SSX2IP: variants seen among roughly 807,000 people sequenced by gnomAD.
SSX2IP encodes the protein SSX family member 2 interacting protein.
In SSX2IP, 55 loss-of-function variants were observed where a neutral mutation model predicts 84.9. The observed-to-expected ratio is 0.65, with a 90% CI of 0.52 to 0.81. SSX2IP has a LOEUF of 0.81. Ranked by LOEUF, SSX2IP falls within the 30% of genes least tolerant of loss-of-function variation. The probability of loss-of-function intolerance (pLI) is 0.00; values close to 1 mark genes in which losing one functional copy is unlikely to be tolerated. For synonymous variants in SSX2IP, 239 were observed against 234.7 expected (o/e 1.02, Z -0.17); for missense variants, 664 against 705.2 (o/e 0.94, Z 0.66).
rs201868060 is a variant in SSX2IP at position 84,672,410 on chromosome 1, T to TA, written c.-89-1103dup. On this transcript the variant is annotated intron_variant, in intron 1 of 13. Transcript: ENST00000342203. The stretch of plus-strand genomic sequence containing the variant: ...CAATTTTAAAATGCTAGTAGCTAAT[T>TA]AAAAAAAAAAAAAACTCTATGTATT... Among the ~76,000 whole-genome samples, 696 of 140,830 alleles carry TA rather than the reference T, an allele frequency of 4.9e-3. 3 individuals carry two copies. Among genetic ancestry groups the TA allele is most frequent in the East Asian group, 0.01 (49 of 4,898 alleles). 92.4% of individuals were successfully genotyped at this position (140,830 alleles called of 152,430 possible).
chr1:84,659,518 G>T (rs762128022), intron 8 of SSX2IP, among the ~76,000 whole-genome samples: 1 of 152,152 alleles, frequency 6.6e-6, no homozygotes, highest in Admixed American at 6.6e-5. Flanking sequence ...ATTATTGGCC[G>T]GGCGCGGTGG....
At chr1:84,661,850 T>C (rs1384420052) in intron 8 of SSX2IP, among the ~76,000 whole-genome samples, 1 of 152,202 alleles carries the variant, frequency 6.6e-6, no homozygotes, top group African/African-American at 2.4e-5. Flanking sequence ...AGTTTCCTTA[T>C]CTATAAAATG....
chr1:84,660,432 G>A (rs1031034511), intron 8 of SSX2IP, among the ~76,000 whole-genome samples: 2 of 152,192 alleles, frequency 1.3e-5, no homozygotes, highest in African/African-American at 4.8e-5. Context: ...TGGACACTAT[G>A]CTAACCTTGA....
upstream of SSX2IP, chr1:84,690,579 G>A (rs1034492195): frequency 6.6e-6 from 1 of 152,322 alleles, no homozygotes; most frequent in African/African-American, 2.4e-5. Flanking sequence ...GGCGCCGCAG[G>A]CCCCGCCGCC....
At chr1:84,689,552 T>C (rs1656285906) in intron 1 of SSX2IP, among the ~76,000 whole-genome samples, 1 of 152,244 alleles carries the variant, frequency 6.6e-6, no homozygotes, top group African/African-American at 2.4e-5. Context: ...TTATCAGCGT[T>C]GCTAGTAATC....
At position 84,664,422 on chromosome 1, in the gene SSX2IP, T is replaced by C; in HGVS notation, c.668A>G (p.Lys223Arg). Reference sequence around the variant, plus strand: ...GATCTTTGCCAGCTGTTTACCTATTTTCTTATCTTTCTTGTTCATAACAAG... The same window carrying C: ...GATCTTTGCCAGCTGTTTACCTATTCTCTTATCTTTCTTGTTCATAACAAG... ...HQLVMNKKDK[K>R]IAMDILNYVG... The change falls in exon 6 of 14, where the codon AAA becomes AGA. Residue 223 changes from lysine (K) to arginine (R), a missense_variant. Lys to Arg is a conservative substitution (Grantham distance 26, BLOSUM62 2). Coordinates refer to ENST00000342203, the MANE Select transcript of SSX2IP (RefSeq NM_001166293.2). 1 of 1,578,724 alleles carries C rather than the reference T, an allele frequency of 6.3e-7. No homozygotes were observed. Among genetic ancestry groups the C allele is most frequent in the Non-Finnish European group, 8.6e-7 (1 of 1,168,620 alleles).
chr1:84,681,435 C>T (rs150834838), intron 1 of SSX2IP, among the ~76,000 whole-genome samples: 51 of 152,254 alleles, frequency 3.3e-4, no homozygotes, highest in African/African-American at 1.2e-3. Flanking sequence ...AGTATGATCA[C>T]CATTTTTTGT....
Position 84,661,492 on chromosome 1 carries a change from A to G in SSX2IP, c.927+706T>C, listed in dbSNP as rs146213698. On this transcript the variant is annotated intron_variant, in intron 8 of 13. Transcript: ENST00000342203. ...CTTTCTCTGTGATGCCTTGATTGCC[A>G]TAACTATTCTGTTCTGCACATTGTA... is the stretch of plus-strand genomic sequence containing the variant. Among the ~76,000 whole-genome samples the G allele has an allele frequency of 1.8e-3, 280 of 152,126 alleles. 2 individuals are homozygous for G. Among genetic ancestry groups the G allele is most frequent in the African/African-American group, 6.4e-3 (266 of 41,484 alleles).
At position 84,671,277 on chromosome 1, in the gene SSX2IP, T is replaced by C. The variant is rs2102439029; in HGVS notation, c.-58A>G. The C allele has an allele frequency of 1.3e-6, 2 of 1,595,394 alleles. No homozygotes were observed. The highest frequency in any genetic ancestry group is 2.3e-5 in the South Asian group (2 of 87,110). ...TAGTTCAGCAGTTAAACATTTAGTC[T>C]AGCTGCTGTCACTCTTCTATGTAGG... On this transcript the variant is annotated 5_prime_UTR_variant, in exon 2 of 14. Transcript: ENST00000342203.
chr1:84,669,110 C>T (rs1653163218), intron 4 of SSX2IP, among the ~76,000 whole-genome samples: 2 of 151,482 alleles, frequency 1.3e-5, no homozygotes, highest in African/African-American at 4.8e-5. Flanking sequence ...AAATAGAAAC[C>T]AGCATCAAAT....
At chr1:84,661,743 G>C (rs554933332) in intron 8 of SSX2IP, among the ~76,000 whole-genome samples, 1 of 152,280 alleles carries the variant, frequency 6.6e-6, no homozygotes, top group East Asian at 1.9e-4. Flanking sequence ...AAGGATATTT[G>C]ACATAGTGGT....
chr1:84,660,726 C>T (rs1651825535), intron 8 of SSX2IP, among the ~76,000 whole-genome samples: 1 of 151,728 alleles, frequency 6.6e-6, no homozygotes, highest in African/African-American at 2.4e-5. Context: ...GATGGTGCCA[C>T]TGGACTCCAG....
rs1224054605 is a variant in SSX2IP at position 84,679,152 on chromosome 1, A to G, written c.-89-7844T>C. ...TACAAATTCAGTCCTAAAACTTAAC[A>G]ATTTAGTCATCAGTATTGACTCTTA... is the stretch of plus-strand genomic sequence containing the variant. On this transcript the variant is annotated intron_variant, in intron 1 of 13. Coordinates refer to ENST00000342203, the MANE Select transcript of SSX2IP (RefSeq NM_001166293.2). Among the ~76,000 whole-genome samples, 3 of 72,748 alleles carry G rather than the reference A, an allele frequency of 4.1e-5. No homozygotes were observed. The East Asian group carries it at 1.7e-3, about 40-fold the overall frequency. The allele number at this position is 72,748 out of a possible 152,430, so 47.7% of individuals were successfully genotyped here. A position where few individuals can be genotyped will look rare whatever the true frequency, so the allele number is the denominator to read the frequency against.
chr1:84,650,996 T>C (rs1650161991), intron 12 of SSX2IP, among the ~76,000 whole-genome samples: 1 of 152,022 alleles, frequency 6.6e-6, no homozygotes, highest in Non-Finnish European at 1.5e-5. Flanking sequence ...TGAGCCACCG[T>C]GCCCAGCCAA....
At chr1:84,689,070 A>C (rs1236811365) in intron 1 of SSX2IP, among the ~76,000 whole-genome samples, 1 of 152,208 alleles carries the variant, frequency 6.6e-6, no homozygotes, top group Non-Finnish European at 1.5e-5. Context: ...GAATAACCTA[A>C]GCTTCCTAAG....
Position 84,662,482 on chromosome 1 carries a change from G to C in SSX2IP, c.722C>G (p.Ser241Cys). ...YVGRADGKRG[S>C]WRTGKTEARN... The stretch of plus-strand genomic sequence containing the variant: ...GGCTTCAGTTTTACCAGTCCTCCAG[G>C]AGCCTCTTTTTCCATCAGCTCTCCC... The change falls in exon 7 of 14, where the codon TCC (serine) becomes TGC (cysteine). Residue 241 changes from serine (S) to cysteine (C), a missense_variant. Transcript: ENST00000342203. The C allele has an allele frequency of 7.4e-6, 12 of 1,613,936 alleles. No individual in the cohort carries two copies. The highest frequency in any genetic ancestry group is 9.3e-6 in the Non-Finnish European group (11 of 1,179,910).
intron 1 of SSX2IP, among the ~76,000 whole-genome samples, chr1:84,682,057 C>A (rs1655153696): frequency 6.6e-6 from 1 of 152,198 alleles, no homozygotes; most frequent in South Asian, 2.1e-4. Flanking sequence ...CATCTTTCAA[C>A]CTTCAATGAA....
At chr1:84,667,906 C>A (rs2911568) in intron 4 of SSX2IP, among the ~76,000 whole-genome samples, 2 of 152,028 alleles carry the variant, frequency 1.3e-5, no homozygotes, top group Non-Finnish European at 2.9e-5. Flanking sequence ...ATATGTCTCC[C>A]TTCCCTGGAC....
intron 1 of SSX2IP, among the ~76,000 whole-genome samples, chr1:84,671,746 T>G (rs996467399): frequency 1.3e-5 from 2 of 152,220 alleles, no homozygotes; most frequent in African/African-American, 4.8e-5. Context: ...TTCCCAGTGT[T>G]GGCAAAGATG....
Sources: allele counts gnomAD v4.1 joint callset (sites outside exome capture counted in the v4.1 genomes callset), GRCh38; gene constraint gnomAD v4.1.1; transcripts MANE v1.5; gene names NCBI Gene and HGNC (gene_info 2026-07-23, HGNC 2026-07-21).